The following PCDHA3 variants were observed in gnomAD, a reference collection of about 807,000 sequenced individuals.
The protein encoded by PCDHA3 is protocadherin alpha-3.
Under a neutral mutation model 62.2 loss-of-function variants are expected in PCDHA3, and 41 were observed. The observed-to-expected ratio is 0.66, with a 90% CI of 0.51 to 0.86. The LOEUF is 0.86. PCDHA3 is among the 40% of genes least tolerant of loss of function. The pLI is 0.00. For missense variants in PCDHA3, 1,304 were observed against 1,241.2 expected (o/e 1.05, Z -0.76); for synonymous variants, 640 against 555.4 (o/e 1.15, Z -2.14).
chr5:140,871,301 C>T lies in PCDHA3; in HGVS notation c.2394+67710C>T, dbSNP rs781904724. 1.9e-6 allele frequency: 3 copies of T among 1,613,800 alleles called. No individual in the cohort carries two copies. In the African/African-American group the frequency reaches 4.0e-5, roughly 22 times the overall value. ...ACGCCCACTGAGGGCGCGTGCGCGC[C>T]GGGGAAGCCCACGCTGGTGTGCTCC... is the stretch of plus-strand genomic sequence containing the variant. On this transcript the variant is annotated intron_variant, in intron 1 of 3. Coordinates refer to ENST00000522353, the MANE Select transcript of PCDHA3 (RefSeq NM_018906.3).
chr5:140,959,729 C>T (rs910806194), intron 1 of PCDHA3, among the ~76,000 whole-genome samples: 3 of 152,126 alleles, frequency 2.0e-5, no homozygotes, highest in South Asian at 4.1e-4. Context: ...ATAACATTAT[C>T]TCATCAAAAT....
chr5:140,823,460 C>T lies in PCDHA3; in HGVS notation c.2394+19869C>T, dbSNP rs2150125979. 19 of 1,613,290 alleles carry T rather than the reference C, an allele frequency of 1.2e-5. No homozygotes were observed. The highest frequency in any genetic ancestry group is 6.7e-5 in the Admixed American group (4 of 59,980). ...GTGCTGGACGAGAACGACAACGCGC[C>T]GGCGCTGCTGGTGCCTCGAGTGGGT... On this transcript the variant is annotated intron_variant, in intron 1 of 3. Coordinates refer to ENST00000522353, the MANE Select transcript of PCDHA3 (RefSeq NM_018906.3).
chr5:140,969,704 T>A (rs1317094729), intron 1 of PCDHA3, among the ~76,000 whole-genome samples: 2 of 152,172 alleles, frequency 1.3e-5, no homozygotes, highest in African/African-American at 4.8e-5. Context: ...TGCTGTATCA[T>A]CTACAGGGAA....
intron 1 of PCDHA3, 34 bp from the exon 2 acceptor site, chr5:140,978,915 A>G: frequency 6.2e-7 from 1 of 1,613,970 alleles, no homozygotes; most frequent in Non-Finnish European, 8.5e-7. Context: ...TTGTCTTGTC[A>G]TTTTAACAGA....
At chr5:140,839,740 A>G (rs1357885958) in intron 1 of PCDHA3, among the ~76,000 whole-genome samples, 2 of 152,020 alleles carry the variant, frequency 1.3e-5, no homozygotes, top group South Asian at 4.1e-4. Flanking sequence ...AAATACCCTT[A>G]TTTGCCTTTC....
intron 1 of PCDHA3, chr5:140,884,471 G>T (rs2060197778): frequency 1.2e-6 from 2 of 1,613,684 alleles, no homozygotes; most frequent in Admixed American, 3.3e-5. Flanking sequence ...GTGCGCGCCG[G>T]GCAAGCCCAC....
chr5:140,856,338 G>T lies in PCDHA3; in HGVS notation c.2394+52747G>T, dbSNP rs781903292. The T allele has an allele frequency of 3.9e-5, 62 of 1,598,498 alleles. 11 individuals are homozygous for T. In the Admixed American group the frequency reaches 1.0e-3, roughly 27 times the overall value. On this transcript the variant is annotated intron_variant, in intron 1 of 3. Coordinates refer to ENST00000522353, the MANE Select transcript of PCDHA3 (RefSeq NM_018906.3). ...ATTGACCGCGAGGAGCTGTGCGGGC[G>T]GAGCGTGGAGTGCAGCATCCACCTG...
chr5:140,899,619 A>G (rs2067442008), intron 1 of PCDHA3, among the ~76,000 whole-genome samples: 2 of 152,136 alleles, frequency 1.3e-5, no homozygotes, highest in Admixed American at 1.3e-4. Context: ...AATGTTCATC[A>G]AGGATATTGG....
At position 140,886,151 on chromosome 5, in the gene PCDHA3, T is replaced by G. The variant is rs184205776; in HGVS notation, c.2394+82560T>G. Reference sequence around the variant, plus strand: ...ACAACCAGATTCTTGATATCACCTTTTTATAGCCACATCTGCTTCCCTGCC... The same window carrying G: ...ACAACCAGATTCTTGATATCACCTTGTTATAGCCACATCTGCTTCCCTGCC... On this transcript the variant is annotated intron_variant, in intron 1 of 3. Coordinates refer to ENST00000522353, the MANE Select transcript of PCDHA3 (RefSeq NM_018906.3). Among the ~76,000 whole-genome samples, 468 of 152,312 alleles carry G rather than the reference T, an allele frequency of 3.1e-3. 3 individuals are homozygous for G. Among genetic ancestry groups the G allele is most frequent in the Middle Eastern group, 0.014 (4 of 294 alleles).
intron 1 of PCDHA3, chr5:140,830,436 T>C (rs2150186408): frequency 1.3e-5 from 21 of 1,612,796 alleles, no homozygotes; most frequent in South Asian, 5.5e-5. Flanking sequence ...TGTCCTATTA[T>C]GATGGGTAAG....
At chr5:140,867,166 G>T (rs773226125) in intron 1 of PCDHA3, 1 of 152,006 alleles carries the variant, frequency 6.6e-6, no homozygotes, top group Non-Finnish European at 1.5e-5. Context: ...ACCTTCTAAG[G>T]TTCATTTCCC....
At chr5:140,827,398 G>A (rs1232238137) in intron 1 of PCDHA3, among the ~76,000 whole-genome samples, 1 of 152,200 alleles carries the variant, frequency 6.6e-6, no homozygotes, top group East Asian at 1.9e-4. Flanking sequence ...TAAATTAAAT[G>A]TGATAAAGAA....
chr5:140,866,472 CT>C (rs2049389020), intron 1 of PCDHA3: 2 of 152,112 alleles, frequency 1.3e-5, no homozygotes, highest in Non-Finnish European at 2.9e-5. Flanking sequence ...CTCATAACAA[CT>C]GACAAATGAT....
chr5:140,976,814 A>G (rs1276394910), intron 1 of PCDHA3, among the ~76,000 whole-genome samples: 1 of 152,242 alleles, frequency 6.6e-6, no homozygotes, highest in East Asian at 1.9e-4. Flanking sequence ...GAAGATATGC[A>G]TGTGTCTAAT....
At chr5:140,823,245 C>A in intron 1 of PCDHA3, 2 of 1,613,492 alleles carry the variant, frequency 1.2e-6, no homozygotes, top group Non-Finnish European at 1.7e-6. Flanking sequence ...CCCTGGTGTC[C>A]TACTCGCTGG....
At chr5:140,963,146 T>C (rs1230280019) in intron 1 of PCDHA3, among the ~76,000 whole-genome samples, 2 of 152,074 alleles carry the variant, frequency 1.3e-5, no homozygotes, top group African/African-American at 4.8e-5. Flanking sequence ...TTTGGATGAA[T>C]TTAAAAATGA....
At chr5:140,875,457 G>T in intron 1 of PCDHA3, 3 of 1,595,968 alleles carry the variant, frequency 1.9e-6, no homozygotes, top group Non-Finnish European at 2.6e-6. Flanking sequence ...CAACTCAGAG[G>T]CCCTCATTTT....
intron 1 of PCDHA3, among the ~76,000 whole-genome samples, chr5:140,907,970 A>G (rs1312755290): frequency 6.6e-6 from 1 of 152,158 alleles, no homozygotes; most frequent in African/African-American, 2.4e-5. Context: ...CAATTTTCCA[A>G]TCATGCTTCT....
intron 3 of PCDHA3, among the ~76,000 whole-genome samples, chr5:140,998,290 C>T (rs782194130): frequency 3.9e-5 from 6 of 152,180 alleles, no homozygotes; most frequent in Admixed American, 2.6e-4. Context: ...TAAATCAGAT[C>T]ACACATTTAG....
Sources: gnomAD v4.1 joint callset for allele counts (sites outside exome capture counted in the v4.1 genomes callset) on GRCh38, gnomAD v4.1.1 for gene constraint, MANE v1.5 for transcripts, NCBI Gene and HGNC (gene_info 2026-07-23, HGNC 2026-07-21) for gene names.